UBR2: variants seen among roughly 807,000 people sequenced by gnomAD.
UBR2 encodes E3 ubiquitin-protein ligase UBR2.
In UBR2, 92 loss-of-function variants were observed where a neutral mutation model predicts 247.9. That is an observed-to-expected ratio of 0.37 (90% CI 0.31 to 0.44). The LOEUF (loss-of-function observed/expected upper bound fraction) is 0.44, where lower values mean the gene tolerates loss of function less well. UBR2 is among the 20% of genes least tolerant of loss of function. The pLI is 1.00. For missense variants in UBR2, 1,613 were observed against 2,112.6 expected (o/e 0.76, Z 4.64); for synonymous variants, 672 against 693.5 (o/e 0.97, Z 0.49).
At chr6:42,657,108 G>A (rs1259152954) in intron 26 of UBR2, among the ~76,000 whole-genome samples, 4 of 151,608 alleles carry the variant, frequency 2.6e-5, no homozygotes, top group Admixed American at 6.6e-5. Flanking sequence ...GGTGGCGGGC[G>A]CCTATAATCC....
At position 42,573,865 on chromosome 6, in the gene UBR2, G is replaced by T; in HGVS notation, c.210G>T (p.Leu70Phe). ...ACATGCTGGCACAGCATGTTTTGTT[G>T]GGACCAATGGAATGGTACCTTTGTG... ...KEDMLAQHVL[L>F]GPMEWYLCGE... The change falls in exon 2 of 47, where the codon TTG becomes TTT. Residue 70 changes from leucine (L) to phenylalanine (F), a missense_variant. By Grantham distance (22) the Leu-to-Phe change is conservative. Transcript: ENST00000372901. 1 of 1,613,936 alleles carries T rather than the reference G, an allele frequency of 6.2e-7. No homozygotes were observed. Among genetic ancestry groups the T allele is most frequent in the South Asian group, 1.1e-5 (1 of 91,044 alleles).
intron 2 of UBR2, among the ~76,000 whole-genome samples, chr6:42,580,265 A>G (rs1393526287): frequency 1.3e-5 from 2 of 152,234 alleles, no homozygotes; most frequent in African/African-American, 2.4e-5. Flanking sequence ...GTAGTTGTCT[A>G]AAATGAGTCT....
intron 2 of UBR2, among the ~76,000 whole-genome samples, chr6:42,586,538 C>CTTTTTTTT (rs147830824): frequency 6.4e-4 from 62 of 97,234 alleles, no homozygotes; most frequent in East Asian, 1.7e-3. Flanking sequence ...GTTTGTCTCT[C>CTTTTTTTT]TTTTTTTTTT....
intron 14 of UBR2, among the ~76,000 whole-genome samples, chr6:42,636,170 GTTTTTTTTTTTGTT>G (rs911543865): frequency 9.1e-6 from 1 of 109,476 alleles, no homozygotes; most frequent in Non-Finnish European, 1.8e-5. Flanking sequence ...GGCCATGGTT[GTTTTTTTTTTTGTT>G]TTTTTTTTTT....
rs1173293323 is a variant in UBR2 at position 42,648,182 on chromosome 6, TC to T, written c.2462+14del. 5.6e-6 allele frequency: 9 copies of T among 1,609,504 alleles called. No individual in the cohort carries two copies. The highest frequency in any genetic ancestry group is 4.0e-5 in the African/African-American group (3 of 74,854). On this transcript the variant is annotated intron_variant, in intron 22 of 46. Coordinates refer to ENST00000372901, the MANE Select transcript of UBR2 (RefSeq NM_001363705.2). ...GTTGCCCATTTCAAGTGAGTTTACT[TC>T]CTATTATTTCACATTCTTTTTTACT...
In UBR2 at chr6:42,667,587, C is replaced by CTTTT. The variant is rs1161068427; in HGVS notation, c.3881+1363_3881+1366dup. ...TATTTCCTTTCTTGTACAGTTTTGT[C>CTTTT]TTTTTTTTTTTTTTTTTTTTTTTTG... On this transcript the variant is annotated intron_variant, in intron 34 of 46. Coordinates refer to ENST00000372901, the MANE Select transcript of UBR2 (RefSeq NM_001363705.2). Among the ~76,000 whole-genome samples, 208 of 47,432 alleles carry CTTTT rather than the reference C, an allele frequency of 4.4e-3. 5 individuals carry two copies. Among genetic ancestry groups the CTTTT allele is most frequent in the Admixed American group, 4.8e-3 (12 of 2,494 alleles). The allele number at this position is 47,432 out of a possible 152,430, so 31.1% of individuals were successfully genotyped here.
Position 42,617,469 on chromosome 6 carries a change from G to T in UBR2, c.1243G>T (p.Ala415Ser). 7 of 1,555,660 alleles carry T rather than the reference G, an allele frequency of 4.5e-6. No individual in the cohort carries two copies. The highest frequency in any genetic ancestry group is 6.1e-6 in the Non-Finnish European group (7 of 1,149,056). The change falls in exon 11 of 47, where the codon GCA (alanine) becomes TCA (serine). Residue 415 changes from alanine to serine, a missense_variant. Physicochemically the swap from Ala to Ser is moderately conservative, Grantham distance 99. This residue lies in a region of UBR2 where 1,524 missense variants were observed against 1,967.3 expected (regional missense o/e 0.77). Transcript: ENST00000372901. Reference sequence around the variant, plus strand: ...TGACCACGACAGAGAGTTTTCAGTCGCAGACCTCTCGGTTCAGATATTCAC... The same window carrying T: ...TGACCACGACAGAGAGTTTTCAGTCTCAGACCTCTCGGTTCAGATATTCAC... ...TDDHDREFSV[A>S]DLSVQIFTVP...
intron 13 of UBR2, chr6:42,634,195 G>T: frequency 3.8e-6 from 1 of 266,240 alleles, no homozygotes; most frequent in Non-Finnish European, 7.5e-6. Flanking sequence ...CCTTCATGTG[G>T]TATTTATATA....
At chr6:42,681,116 TCATGC>T (rs1249863298) in intron 42 of UBR2, among the ~76,000 whole-genome samples, 1 of 139,020 alleles carries the variant, frequency 7.2e-6, no homozygotes, top group African/African-American at 2.8e-5. Context: ...TGAGCCGAGA[TCATGC>T]CACTGCACTC....
rs751458017 is a variant in UBR2 at position 42,564,309 on chromosome 6, G to C, written c.-11G>C. On this transcript the variant is annotated 5_prime_UTR_variant, in exon 1 of 47. Coordinates refer to ENST00000372901, the MANE Select transcript of UBR2 (RefSeq NM_001363705.2). ...GGGCGGCGGTAGCGCTGGGGAGGAG[G>C]AGGAGAGAAGATGGCGTCGGAGCTA... 5 of 1,607,746 alleles carry C rather than the reference G, an allele frequency of 3.1e-6. No homozygotes were observed. In the African/African-American group the frequency reaches 5.3e-5, roughly 17 times the overall value.
intron 2 of UBR2, among the ~76,000 whole-genome samples, chr6:42,574,502 T>G (rs937313152): frequency 6.6e-6 from 1 of 152,308 alleles, no homozygotes; most frequent in African/African-American, 2.4e-5. Flanking sequence ...GGAATGGTAG[T>G]TAGAAACCAA....
intron 10 of UBR2, 22 bp downstream of exon 10, chr6:42,616,112 A>G: frequency 6.4e-7 from 1 of 1,558,966 alleles, no homozygotes; most frequent in East Asian, 2.3e-5. Context: ...TTCAATTTTG[A>G]AAATAGGTTA....
intron 11 of UBR2, chr6:42,619,453 A>ATAAATTTTTTTTT: frequency 3.8e-4 from 9 of 23,728 alleles, no homozygotes; most frequent in African/African-American, 1.1e-3. Flanking sequence ...ATATATATAT[A>ATAAATTTTTTTTT]TTTTTTTTTT....
intron 2 of UBR2, among the ~76,000 whole-genome samples, chr6:42,577,526 A>C (rs1248263399): frequency 6.6e-6 from 1 of 152,226 alleles, no homozygotes; most frequent in Non-Finnish European, 1.5e-5. Flanking sequence ...GTTATTAAAT[A>C]GAAATGGTTT....
At chr6:42,624,491 G>C (rs999385807) in intron 11 of UBR2, among the ~76,000 whole-genome samples, 1 of 152,010 alleles carries the variant, frequency 6.6e-6, no homozygotes, top group Admixed American at 6.6e-5. Context: ...TCTGCCCACT[G>C]TACAGATAAA....
intron 2 of UBR2, among the ~76,000 whole-genome samples, chr6:42,574,650 A>C (rs755934752): frequency 1.3e-5 from 2 of 151,718 alleles, no homozygotes; most frequent in African/African-American, 2.4e-5. Context: ...ATTTTCCAGA[A>C]TTAATCATTG....
Position 42,678,653 on chromosome 6 carries a change from C to A in UBR2, c.4593C>A (p.Ser1531=), listed in dbSNP as rs756003696. The change falls in exon 41 of 47, where the codon TCC becomes TCA. Residue 1531 remains serine (S), a synonymous_variant. Transcript: ENST00000372901. ...TTCATTACTTAAATGGAGTTCCTTC[C>A]CCACCCGACATTCAAGGTAATTTAT... The part of the protein sequence containing the change: ...LFFHYLNGVP[S]PPDIQVPGTS... 2.0e-5 allele frequency: 32 copies of A among 1,610,710 alleles called. No homozygotes were observed. The highest frequency in any genetic ancestry group is 2.7e-5 in the Non-Finnish European group (32 of 1,178,872).
At chr6:42,634,654 C>T (rs1288242087) in intron 13 of UBR2, among the ~76,000 whole-genome samples, 1 of 152,178 alleles carries the variant, frequency 6.6e-6, no homozygotes, top group Non-Finnish European at 1.5e-5. Context: ...AGGGTTTCGC[C>T]ATGTTGGCCA....
chr6:42,665,130 A>C (rs1375747589), intron 32 of UBR2, among the ~76,000 whole-genome samples: 6 of 152,220 alleles, frequency 3.9e-5, no homozygotes, highest in Non-Finnish European at 8.8e-5. Context: ...GTAGATATTA[A>C]TAGTGATGGT....
Sources: gnomAD v4.1 joint callset for allele counts (sites outside exome capture counted in the v4.1 genomes callset) on GRCh38, gnomAD v4.1.1 for gene constraint, gnomAD v4.1.1 regional missense constraint, MANE v1.5 for transcripts, NCBI Gene and HGNC (gene_info 2026-07-23, HGNC 2026-07-21) for gene names.